FDFT1: variants seen among roughly 807,000 people sequenced by gnomAD.
FDFT1 encodes squalene synthase.
Under a neutral mutation model 46.8 loss-of-function variants are expected in FDFT1, and 68 were observed. The observed-to-expected ratio is 1.45, with a 90% confidence interval of 1.19 to 1.78. FDFT1 has a LOEUF of 1.78. Among genes scored for constraint, FDFT1 ranks in the 40% most tolerant of loss-of-function variants. FDFT1 has a pLI of 0.00. For missense variants in FDFT1, 928 were observed against 524.4 expected, an observed-to-expected ratio of 1.77 and a Z score of -7.52; for synonymous variants, 351 against 185.1, an observed-to-expected ratio of 1.90 and a Z score of -7.28.
chr8:11,797,824 G>GC (rs1805721854), upstream of FDFT1: 1 of 152,302 alleles, frequency 6.6e-6, no homozygotes, highest in South Asian at 2.1e-4. Context: ...AATTGCTTGG[G>GC]CCAAGGCCGG....
Position 11,809,174 on chromosome 8 carries a change from C to T in FDFT1, c.197+283C>T, listed in dbSNP as rs1048896717. On this transcript the variant is annotated intron_variant, in intron 2 of 7. Coordinates refer to ENST00000220584, the MANE Select transcript of FDFT1 (RefSeq NM_004462.5). ...CAGCTGAACCTGCCTGTGAGCAGGT[C>T]GTGTATTTCTCGGCTTCCCTTATCC... 5.6e-5 allele frequency: 70 copies of T among 1,260,722 alleles called. No homozygotes were observed. In the Middle Eastern group the frequency reaches 1.2e-3, roughly 22 times the overall value. The allele number at this position is 1,260,722 out of a possible 1,614,324, so 78.1% of individuals were successfully genotyped here.
chr8:11,823,867 C>T (rs1429948991), intron 4 of FDFT1, among the ~76,000 whole-genome samples: 1 of 152,162 alleles, frequency 6.6e-6, no homozygotes, highest in Non-Finnish European at 1.5e-5. Context: ...CCTCAGCCTC[C>T]CCATTAGCTG....
intron 3 of FDFT1, among the ~76,000 whole-genome samples, chr8:11,817,152 G>A (rs904722895): frequency 6.6e-6 from 1 of 152,196 alleles, no homozygotes; most frequent in Non-Finnish European, 1.5e-5. Flanking sequence ...CATAGGTTCT[G>A]TTTATGTGAT....
intron 6 of FDFT1, among the ~76,000 whole-genome samples, chr8:11,830,721 A>T (rs1223340541): frequency 6.6e-6 from 1 of 152,162 alleles, no homozygotes; most frequent in Non-Finnish European, 1.5e-5. Context: ...GCTTAGATTT[A>T]TGGGGAGTGC....
chr8:11,813,414 G>A (rs1450067339), intron 3 of FDFT1, among the ~76,000 whole-genome samples: 1 of 152,026 alleles, frequency 6.6e-6, no homozygotes, highest in East Asian at 1.9e-4. Flanking sequence ...TGTGTTATTT[G>A]ATCTATAACA....
chr8:11,817,125 A>C (rs1205062534), intron 3 of FDFT1, among the ~76,000 whole-genome samples: 1 of 152,188 alleles, frequency 6.6e-6, no homozygotes, highest in Non-Finnish European at 1.5e-5. Context: ...CTATTGAGAT[A>C]ATCATGTGGT....
intron 4 of FDFT1, among the ~76,000 whole-genome samples, chr8:11,823,553 G>A (rs1809547812): frequency 1.3e-5 from 2 of 151,716 alleles, no homozygotes; most frequent in Admixed American, 6.6e-5. Flanking sequence ...TTAGTCTCTG[G>A]CTTTGTATTA....
Position 11,821,752 on chromosome 8 carries a change from C to G in FDFT1, c.384C>G (p.Ile128Met). 1.2e-6 allele frequency: 2 copies of G among 1,612,984 alleles called. No individual in the cohort carries two copies. The highest frequency in any genetic ancestry group is 1.7e-6 in the Non-Finnish European group (2 of 1,179,244). ...DRQVLEDFPTISLEFRNLAEK... is the reference protein window; with the variant it reads ...DRQVLEDFPTMSLEFRNLAEK... The stretch of plus-strand genomic sequence containing the variant: ...TGTTTTTACGGTTTCCATTTCAGAT[C>G]TCCCTTGAGTTTAGAAATCTGGCTG... The change falls in exon 4 of 8, where the codon ATC becomes ATG. Residue 128 changes from isoleucine to methionine, a missense_variant and splice_region_variant. Coordinates refer to ENST00000220584, the MANE Select transcript of FDFT1 (RefSeq NM_004462.5).
rs756770857 is a variant in FDFT1 at position 11,802,816 on chromosome 8, C to T, written c.-17C>T. 3.8e-6 allele frequency: 6 copies of T among 1,597,140 alleles called. No individual in the cohort carries two copies. The highest frequency in any genetic ancestry group is 1.1e-5 in the South Asian group (1 of 88,856). Reference sequence around the variant, plus strand: ...AGAGGTGAGAGTCGCGCCCGGGAGTCCGCCGCCTGCGCCAGGATGGAGTTC... The same window carrying T: ...AGAGGTGAGAGTCGCGCCCGGGAGTTCGCCGCCTGCGCCAGGATGGAGTTC... On this transcript the variant is annotated 5_prime_UTR_variant, in exon 1 of 8. Coordinates refer to ENST00000220584, the MANE Select transcript of FDFT1 (RefSeq NM_004462.5).
chr8:11,803,086 T>G (rs1703854241), intron 1 of FDFT1, 155 bp downstream of exon 1: 1 of 1,440,702 alleles, frequency 6.9e-7, no homozygotes, highest in Non-Finnish European at 9.1e-7. Flanking sequence ...GCCTTCCCCC[T>G]GTAGGGCCCG....
At chr8:11,835,572 T>C (rs1445361247) in intron 7 of FDFT1, among the ~76,000 whole-genome samples, 2 of 152,192 alleles carry the variant, frequency 1.3e-5, no homozygotes, top group African/African-American at 4.8e-5. Flanking sequence ...AGGGTTTTTG[T>C]TGGTTGTGTA....
At chr8:11,818,949 G>A (rs563582008) in intron 3 of FDFT1, among the ~76,000 whole-genome samples, 2 of 152,126 alleles carry the variant, frequency 1.3e-5, no homozygotes, top group East Asian at 1.9e-4. Context: ...TCCTAGCCTC[G>A]ATGGTCTTTA....
chr8:11,809,595 C>CGCT, intron 2 of FDFT1, 72 bp from the exon 3 acceptor site: 2 of 1,451,932 alleles, frequency 1.4e-6, no homozygotes, highest in Non-Finnish European at 1.8e-6. Flanking sequence ...AGTGGCCAGG[C>CGCT]ACAAGTTATT....
At chr8:11,821,498 G>A (rs948332130) in intron 3 of FDFT1, among the ~76,000 whole-genome samples, 3 of 152,230 alleles carry the variant, frequency 2.0e-5, no homozygotes, top group Non-Finnish European at 4.4e-5. Flanking sequence ...GGCTGAGGCA[G>A]GAGAATCATT....
intron 6 of FDFT1, 100 bp from the exon 7 acceptor site, chr8:11,831,418 A>C: frequency 4.2e-6 from 4 of 948,320 alleles, no homozygotes; most frequent in Non-Finnish European, 6.6e-6. Flanking sequence ...ATTAGCAGTT[A>C]GCAATTGCCC....
chr8:11,838,640 A>C lies in FDFT1; in HGVS notation c.*31A>C. 6.6e-7 allele frequency: 1 copy of C among 1,507,032 alleles called. No homozygotes were observed. The highest frequency in any genetic ancestry group is 9.2e-7 in the Non-Finnish European group (1 of 1,082,250). The allele number at this position is 1,507,032 out of a possible 1,614,324, so 93.4% of individuals were successfully genotyped here. On this transcript the variant is annotated 3_prime_UTR_variant, in exon 8 of 8. Transcript: ENST00000220584. ...AATTTGTCCATAGCTGAAGTCCACC[A>C]TAAAGTGGATTTACTTTTTTTCTTT...
At chr8:11,810,983 G>A (rs1442662774) in intron 3 of FDFT1, among the ~76,000 whole-genome samples, 5 of 149,944 alleles carry the variant, frequency 3.3e-5, no homozygotes, top group African/African-American at 7.3e-5. Flanking sequence ...AGACTCTTGC[G>A]GTGCAAAGGC....
rs764954065 is a variant in FDFT1 at position 11,838,395 on chromosome 8, A to G, written c.1040A>G (p.His347Arg). 54 of 1,613,274 alleles carry G rather than the reference A, an allele frequency of 3.3e-5. No homozygotes were observed. Among genetic ancestry groups the G allele is most frequent in the Admixed American group, 1.3e-4 (8 of 59,972 alleles). ...IIYQYMEEIY[H>R]RIPDSDPSSS... ...TTCCTGTGTCTTTAACAGATTTATC[A>G]TAGAATCCCCGACTCAGACCCATCT... is the stretch of plus-strand genomic sequence containing the variant. Residue 347 changes from histidine (H) to arginine (R), a missense_variant, in exon 8 of 8, where the codon CAT (histidine) becomes CGT (arginine). Transcript: ENST00000220584.
In FDFT1 at chr8:11,830,942, T is replaced by C. The variant is rs1411627981; in HGVS notation, c.879+522T>C. Among the ~76,000 whole-genome samples the C allele has an allele frequency of 3.9e-5, 6 of 152,198 alleles. No homozygotes were observed. The East Asian group carries it at 9.6e-4, about 24-fold the overall frequency. ...GAAGAAAGTAACAGCATTTAACTGATTTGGGAACTTGGTTTGATCTTGTTC... is the reference window on the plus strand; with the variant it reads ...GAAGAAAGTAACAGCATTTAACTGACTTGGGAACTTGGTTTGATCTTGTTC... On this transcript the variant is annotated intron_variant, in intron 6 of 7. Coordinates refer to ENST00000220584, the MANE Select transcript of FDFT1 (RefSeq NM_004462.5).
Sources: gnomAD v4.1 joint callset for allele counts (sites outside exome capture counted in the v4.1 genomes callset) on GRCh38, gnomAD v4.1.1 for gene constraint, MANE v1.5 for transcripts, NCBI Gene and HGNC (gene_info 2026-07-23, HGNC 2026-07-21) for gene names.